VPS41: variants seen among roughly 807,000 people sequenced by gnomAD.
The protein encoded by VPS41 is VPS41 subunit of HOPS complex.
VPS41 carries 85 observed loss-of-function variants against 130.9 expected under a neutral mutation model. The ratio of observed to expected loss-of-function variants is 0.65; its 90% CI spans 0.55 to 0.78. The LOEUF is 0.78. Ranked by LOEUF, VPS41 falls within the 30% of genes least tolerant of loss-of-function variation. The pLI is 0.00. For synonymous variants in VPS41, 335 were observed against 332.9 expected (o/e 1.01, Z -0.07); for missense variants, 874 against 1,018.7 (o/e 0.86, Z 1.93).
chr7:38,803,733 C>G (rs1784780538), intron 7 of VPS41, among the ~76,000 whole-genome samples: 1 of 151,998 alleles, frequency 6.6e-6, no homozygotes, highest in African/African-American at 2.4e-5. Context: ...TGGAGAAGAC[C>G]TAGGATGGTG....
At chr7:38,814,404 C>T (rs897671675) in intron 7 of VPS41, among the ~76,000 whole-genome samples, 2 of 152,196 alleles carry the variant, frequency 1.3e-5, no homozygotes. Flanking sequence ...GTAAGCCCAG[C>T]ACTTTGGAAG....
intron 7 of VPS41, 90 bp from the exon 8 acceptor site, chr7:38,796,954 C>A: frequency 2.0e-6 from 3 of 1,472,738 alleles, no homozygotes; most frequent in South Asian, 1.2e-5. Flanking sequence ...TCCTCGTGAC[C>A]AAATAACAAA....
intron 28 of VPS41, 79 bp from the exon 29 acceptor site, chr7:38,726,405 C>T (rs988426850): frequency 1.4e-5 from 16 of 1,128,952 alleles, no homozygotes; most frequent in South Asian, 2.7e-5. Flanking sequence ...ACTAAGGTAG[C>T]GTTAGTCAGG....
chr7:38,748,295 A>G (rs1314131876), intron 22 of VPS41, among the ~76,000 whole-genome samples: 2 of 152,196 alleles, frequency 1.3e-5, no homozygotes, highest in Non-Finnish European at 2.9e-5. Context: ...ACTTGAGTAA[A>G]AAATGATGCA....
intron 5 of VPS41, among the ~76,000 whole-genome samples, chr7:38,823,236 A>C (rs1271454615): frequency 6.6e-6 from 1 of 152,172 alleles, no homozygotes; most frequent in Non-Finnish European, 1.5e-5. Flanking sequence ...GTGACTAGCT[A>C]GTCCTTTTGC....
intron 4 of VPS41, among the ~76,000 whole-genome samples, chr7:38,847,722 A>G (rs1785757990): frequency 6.6e-6 from 1 of 152,236 alleles, no homozygotes; most frequent in Non-Finnish European, 1.5e-5. Context: ...TAAGTTCTCA[A>G]TATACAAGTA....
At position 38,726,997 on chromosome 7, in the gene VPS41, G is replaced by A; in HGVS notation, c.2405-9C>T. ...GAAGGGCTTAGCTGCATCTGGCGAG[G>A]AGGGCAGAGAAAGGAGGAGAACTTA... On this transcript the variant is annotated splice_polypyrimidine_tract_variant and intron_variant, in intron 27 of 28. Coordinates refer to ENST00000310301, the MANE Select transcript of VPS41 (RefSeq NM_014396.4). 6.5e-7 allele frequency: 1 copy of A among 1,532,252 alleles called. No homozygotes were observed. Among genetic ancestry groups the A allele is most frequent in the Non-Finnish European group, 8.8e-7 (1 of 1,139,426 alleles). The allele number at this position is 1,532,252 out of a possible 1,614,324, so 94.9% of individuals were successfully genotyped here. A position where few individuals can be genotyped will look rare whatever the true frequency, so the allele number is the denominator to read the frequency against.
chr7:38,771,138 G>A (rs1345599229), intron 14 of VPS41, 60 bp downstream of exon 14: 1 of 1,192,168 alleles, frequency 8.4e-7, no homozygotes, highest in African/African-American at 1.5e-5. Flanking sequence ...ATTATTTTCA[G>A]TCTCACTATA....
At chr7:38,900,237 A>C (rs996953754) in intron 1 of VPS41, among the ~76,000 whole-genome samples, 1 of 152,222 alleles carries the variant, frequency 6.6e-6, no homozygotes, top group African/African-American at 2.4e-5. Flanking sequence ...AGCCTGAGGA[A>C]CAGAGTAAGA....
intron 18 of VPS41, among the ~76,000 whole-genome samples, chr7:38,757,639 C>T (rs944212618): frequency 3.6e-4 from 55 of 152,238 alleles, no homozygotes; most frequent in African/African-American, 1.3e-3. Context: ...GTCCAGAGTT[C>T]TAGGTCATTT....
intron 1 of VPS41, 68 bp from the exon 2 acceptor site, chr7:38,898,197 G>C: frequency 7.3e-7 from 1 of 1,368,428 alleles, no homozygotes; most frequent in East Asian, 2.3e-5. Flanking sequence ...CAAGGGGAAA[G>C]AGTCCTCATG....
chr7:38,899,036 A>G (rs1787083298), intron 1 of VPS41, among the ~76,000 whole-genome samples: 1 of 152,230 alleles, frequency 6.6e-6, no homozygotes, highest in Non-Finnish European at 1.5e-5. Flanking sequence ...AGATCGATGC[A>G]TATATTACTC....
chr7:38,831,741 T>A lies in VPS41; in HGVS notation c.247-1413A>T, dbSNP rs115514354. 8.0e-3 allele frequency among the ~76,000 whole-genome samples: 1,223 copies of A among 152,350 alleles called. 17 individuals carry two copies. Among genetic ancestry groups the A allele is most frequent in the African/African-American group, 0.028 (1,170 of 41,578 alleles). Reference sequence around the variant, plus strand: ...AGGAAAGCAGTCAGCTAAGGCTGGTTATCTCCATCTCACAATGAGGAAAAT... The same window carrying A: ...AGGAAAGCAGTCAGCTAAGGCTGGTAATCTCCATCTCACAATGAGGAAAAT... On this transcript the variant is annotated intron_variant, in intron 4 of 28. Transcript: ENST00000310301.
At position 38,850,576 on chromosome 7, in the gene VPS41, A is replaced by G. The variant is rs549998038; in HGVS notation, c.246+11969T>C. Among the ~76,000 whole-genome samples the G allele has an allele frequency of 1.8e-4, 28 of 152,322 alleles. No homozygotes were observed. The South Asian group carries it at 5.8e-3, about 32-fold the overall frequency. ...TGAGTGTGAAAGTCAATGTCTCCCT[A>G]AAAGCAAATCGTAGTATTTCATTTA... On this transcript the variant is annotated intron_variant, in intron 4 of 28. Coordinates refer to ENST00000310301, the MANE Select transcript of VPS41 (RefSeq NM_014396.4).
chr7:38,876,677 T>C (rs1457424509), intron 2 of VPS41, among the ~76,000 whole-genome samples: 2 of 138,574 alleles, frequency 1.4e-5, no homozygotes, highest in East Asian at 3.9e-4. Context: ...TGCTTTGCTT[T>C]ACCGTAACAC....
At chr7:38,870,756 AAAAAAAAAC>A (rs1786337003) in intron 2 of VPS41, among the ~76,000 whole-genome samples, 1 of 143,778 alleles carries the variant, frequency 7.0e-6, no homozygotes, top group Non-Finnish European at 1.6e-5. Context: ...AAAAAAAAAA[AAAAAAAAAC>A]AGAAAAAGAC....
intron 1 of VPS41, among the ~76,000 whole-genome samples, chr7:38,899,310 G>A (rs183094769): frequency 2.3e-4 from 35 of 152,288 alleles, no homozygotes; most frequent in Middle Eastern, 3.4e-3. Flanking sequence ...TTAGCTTAAT[G>A]TCAATCCAAG....
intron 2 of VPS41, among the ~76,000 whole-genome samples, chr7:38,894,938 A>G (rs887612580): frequency 1.3e-5 from 2 of 152,122 alleles, no homozygotes; most frequent in Non-Finnish European, 2.9e-5. Context: ...TTTTCCTTCC[A>G]TTTATCTCCT....
In VPS41 at chr7:38,869,590, T is replaced by TA. The variant is rs1265077401; in HGVS notation, c.61-338dup. On this transcript the variant is annotated intron_variant, in intron 2 of 28. Transcript: ENST00000310301. ...TGGAATAAAGTTAGTAATCAATATT[T>TA]ACTATAATGGCCTTGAATTAATAAA... 3.9e-5 allele frequency among the ~76,000 whole-genome samples: 6 copies of TA among 152,300 alleles called. No individual in the cohort carries two copies. The East Asian group carries it at 1.2e-3, about 29-fold the overall frequency.
Sources: allele counts gnomAD v4.1 joint callset (sites outside exome capture counted in the v4.1 genomes callset), GRCh38; gene constraint gnomAD v4.1.1; transcripts MANE v1.5; gene names NCBI Gene and HGNC (gene_info 2026-07-23, HGNC 2026-07-21).